The following LAMA2 variants were observed in gnomAD, a reference collection of about 807,000 sequenced individuals.
LAMA2 encodes the protein laminin subunit alpha-2.
A neutral mutation model predicts 364.8 loss-of-function variants in LAMA2; 269 were observed. The observed-to-expected ratio is 0.74, with a 90% CI of 0.67 to 0.82. The LOEUF (loss-of-function observed/expected upper bound fraction) is 0.82. LAMA2 is among the 40% of genes least tolerant of loss of function. The probability of loss-of-function intolerance (pLI) is 0.00; values close to 1 mark genes in which losing one functional copy is unlikely to be tolerated. For missense variants in LAMA2, 3,807 were observed against 3,873.2 expected (o/e 0.98, Z 0.45); for synonymous variants, 1,379 against 1,370.6 (o/e 1.01, Z -0.14).
At chr6:129,194,753 T>G (rs1425116957) in intron 12 of LAMA2, among the ~76,000 whole-genome samples, 1 of 152,182 alleles carries the variant, frequency 6.6e-6, no homozygotes, top group African/African-American at 2.4e-5. Flanking sequence ...ACCATGTAAA[T>G]TTTTGATACT....
In LAMA2 at chr6:129,034,826, A is replaced by T. The variant is rs142570297; in HGVS notation, c.113-15092A>T. ...ATTTCATTATTTTTTATGGCTGCAC[A>T]GTATTCCATGGTGTTCATATACCAC... On this transcript the variant is annotated intron_variant, in intron 1 of 64. Coordinates refer to ENST00000421865, the MANE Select transcript of LAMA2 (RefSeq NM_000426.4). 3.0e-3 allele frequency among the ~76,000 whole-genome samples: 462 copies of T among 152,302 alleles called. 4 individuals carry two copies. Among genetic ancestry groups the T allele is most frequent in the African/African-American group, 0.01 (427 of 41,582 alleles).
In LAMA2 at chr6:129,059,807, A is replaced by G. The variant is rs369978622; in HGVS notation, c.307A>G (p.Ile103Val). The G allele has an allele frequency of 1.6e-5, 26 of 1,608,012 alleles. No homozygotes were observed. The highest frequency in any genetic ancestry group is 3.3e-4 in the Middle Eastern group (2 of 6,076). ...AGAGAGACACCCGATTACAAATGCT[A>G]TTGATGGAAAGAACACTTGGTGGCA... Reference protein sequence around the residue: ...PNQRHPITNAIDGKNTWWQSP... With the variant: ...PNQRHPITNAVDGKNTWWQSP... The change falls in exon 3 of 65, where the codon ATT becomes GTT. Residue 103 changes from isoleucine to valine, a missense_variant. Physicochemically the swap from Ile to Val is conservative, Grantham distance 29. This residue lies in a region of LAMA2 where 394 missense variants were observed against 403.5 expected (regional missense o/e 0.98). Transcript: ENST00000421865.
chr6:129,386,146 C>T (rs1440585418), intron 35 of LAMA2, among the ~76,000 whole-genome samples: 1 of 151,636 alleles, frequency 6.6e-6, no homozygotes, highest in African/African-American at 2.4e-5. Flanking sequence ...AAAAAATTAC[C>T]TAAATCCTCC....
chr6:129,009,301 A>C (rs530567217), intron 1 of LAMA2, among the ~76,000 whole-genome samples: 1 of 152,262 alleles, frequency 6.6e-6, no homozygotes, highest in East Asian at 1.9e-4. Context: ...TTTTCTTTCA[A>C]ACACTTTGGA....
chr6:129,336,399 A>C (rs1285780766), intron 29 of LAMA2, among the ~76,000 whole-genome samples: 5 of 152,344 alleles, frequency 3.3e-5, no homozygotes, highest in East Asian at 1.9e-4. Context: ...ATCCCAGTAA[A>C]ATATCAAGTT....
intron 9 of LAMA2, among the ~76,000 whole-genome samples, chr6:129,172,373 T>A (rs1039576898): frequency 2.6e-5 from 4 of 152,222 alleles, no homozygotes; most frequent in Non-Finnish European, 5.9e-5. Flanking sequence ...TCCTTTCTGT[T>A]TGTTAGTTTT....
Position 128,952,103 on chromosome 6 carries a change from G to C in LAMA2, c.112+68746G>C, listed in dbSNP as rs539113778. On this transcript the variant is annotated intron_variant, in intron 1 of 64. Coordinates refer to ENST00000421865, the MANE Select transcript of LAMA2 (RefSeq NM_000426.4). The stretch of plus-strand genomic sequence containing the variant: ...AATTGCTTGAGTCCAGGAGTTTGAG[G>C]CTGCAGTGAGCCATGATCTTGCCAC... Among the ~76,000 whole-genome samples the C allele has an allele frequency of 3.9e-4, 59 of 152,228 alleles. 1 individual carries two copies. The highest frequency in any genetic ancestry group is 3.5e-3 in the Admixed American group (53 of 15,278).
At chr6:129,330,316 A>G (rs1268296143) in intron 29 of LAMA2, among the ~76,000 whole-genome samples, 2 of 151,892 alleles carry the variant, frequency 1.3e-5, no homozygotes, top group Non-Finnish European at 1.5e-5. Context: ...TGCCAAAAAC[A>G]TTGGAGACGC....
chr6:129,483,705 A>T (rs1022148527), intron 55 of LAMA2, among the ~76,000 whole-genome samples: 5 of 152,222 alleles, frequency 3.3e-5, no homozygotes, highest in Admixed American at 6.5e-5. Flanking sequence ...GTTCCACCAG[A>T]TATCAGCACA....
intron 22 of LAMA2, among the ~76,000 whole-genome samples, chr6:129,302,885 A>G (rs1384315492): frequency 6.6e-6 from 1 of 152,138 alleles, no homozygotes; most frequent in African/African-American, 2.4e-5. Context: ...AAAATCAGGT[A>G]TTGTAAATTC....
At chr6:129,439,825 CAT>C (rs5879948) in intron 42 of LAMA2, among the ~76,000 whole-genome samples, 108 of 123,580 alleles carry the variant, frequency 8.7e-4, no homozygotes, top group East Asian at 3.7e-3. Flanking sequence ...ATCAATTGGT[CAT>C]ATATATATAT....
At chr6:129,098,522 G>T in intron 4 of LAMA2, 107 bp downstream of exon 4, 1 of 1,345,286 alleles carries the variant, frequency 7.4e-7, no homozygotes, top group Non-Finnish European at 1.0e-6. Flanking sequence ...TTTAAAATAG[G>T]ATTTAGCAAA....
At chr6:129,042,646 C>T (rs555410618) in intron 1 of LAMA2, among the ~76,000 whole-genome samples, 35 of 152,152 alleles carry the variant, frequency 2.3e-4, no homozygotes, top group Non-Finnish European at 3.8e-4. Flanking sequence ...CAGAAATTTT[C>T]TTTATGCCTC....
Position 129,280,071 on chromosome 6 carries a change from A to C in LAMA2, c.2461A>C (p.Thr821Pro), listed in dbSNP as rs186538779. ...ACAACATCAACATAGCTTTAGCCCA[A>C]CGTGCCATTTAGACCGGAGTCTTGG... ...LNIPSNNFSP[T>P]CHLDRSLGLI... is the part of the protein sequence containing the mutation. The change falls in exon 18 of 65, where the codon ACG (threonine) becomes CCG (proline). Residue 821 changes from threonine to proline, a missense_variant. This residue lies in a region of LAMA2 where 3,333 missense variants were observed against 3,345.7 expected (regional missense o/e 1.00). Transcript: ENST00000421865. The C allele has an allele frequency of 5.0e-6, 8 of 1,612,354 alleles. No individual in the cohort carries two copies. Among genetic ancestry groups the C allele is most frequent in the Admixed American group, 1.7e-5 (1 of 59,866 alleles).
intron 42 of LAMA2, 149 bp from the exon 43 acceptor site, chr6:129,440,667 T>G: frequency 1.4e-6 from 1 of 718,210 alleles, no homozygotes; most frequent in Non-Finnish European, 2.4e-6. Flanking sequence ...TTTGCTTCAT[T>G]TGCTACACCT....
chr6:129,359,190 C>T (rs1365030042), intron 32 of LAMA2, among the ~76,000 whole-genome samples: 2 of 150,646 alleles, frequency 1.3e-5, no homozygotes, highest in African/African-American at 4.9e-5. Flanking sequence ...TGAAGAGTTA[C>T]ACCATCTTTG....
chr6:128,929,736 T>C (rs930990292), intron 1 of LAMA2: 73 of 1,265,442 alleles, frequency 5.8e-5, no homozygotes, highest in Non-Finnish European at 8.1e-5. Context: ...CCAATTCTTG[T>C]ACCAATCGTA....
chr6:129,314,538 T>G, intron 23 of LAMA2, 117 bp from the exon 24 acceptor site: 1 of 855,354 alleles, frequency 1.2e-6, no homozygotes, highest in Non-Finnish European at 1.9e-6. Context: ...ATACTCAGTG[T>G]TCTTCTGTTT....
intron 62 of LAMA2, among the ~76,000 whole-genome samples, chr6:129,511,879 C>T (rs1786612363): frequency 6.6e-6 from 1 of 152,072 alleles, no homozygotes; most frequent in Admixed American, 6.6e-5. Context: ...ACTTTTGAAA[C>T]CTTTCAGATG....
Sources: allele counts gnomAD v4.1 joint callset (sites outside exome capture counted in the v4.1 genomes callset), GRCh38; gene constraint gnomAD v4.1.1; regional missense constraint gnomAD v4.1.1; transcripts MANE v1.5; gene names NCBI Gene and HGNC (gene_info 2026-07-23, HGNC 2026-07-21).